The following SLC40A1 variants were observed in gnomAD, a reference collection of about 807,000 sequenced individuals.
SLC40A1 encodes the protein solute carrier family 40 member 1, also known as ferroportin.
A neutral mutation model predicts 53.5 loss-of-function variants in SLC40A1; 16 were observed. The ratio of observed to expected loss-of-function variants is 0.30; its 90% CI spans 0.20 to 0.45. SLC40A1 has a LOEUF of 0.45. Ranked by LOEUF, SLC40A1 falls within the 20% of genes least tolerant of loss-of-function variation. The pLI is 1.00. For missense variants in SLC40A1, 545 were observed against 695.4 expected, an observed-to-expected ratio of 0.78 and a Z score of 2.43; for synonymous variants, 247 against 253.2, an observed-to-expected ratio of 0.98 and a Z score of 0.23.
chr2:189,571,077 G>A (rs1318827530), intron 5 of SLC40A1, among the ~76,000 whole-genome samples: 1 of 152,152 alleles, frequency 6.6e-6, no homozygotes. Context: ...AATATTGACA[G>A]AATAGGACAT....
Position 189,578,002 on chromosome 2 carries a change from G to C in SLC40A1, c.111+1811C>G, listed in dbSNP as rs545274453. On this transcript the variant is annotated intron_variant, in intron 2 of 7. Coordinates refer to ENST00000261024, the MANE Select transcript of SLC40A1 (RefSeq NM_014585.6). Reference sequence around the variant, plus strand: ...GATAGAAATGAAGTCAGAAATAAAAGGCATTCAACCCCACACAAAACTAAC... The same window carrying C: ...GATAGAAATGAAGTCAGAAATAAAACGCATTCAACCCCACACAAAACTAAC... Among the ~76,000 whole-genome samples, 21 of 152,224 alleles carry C rather than the reference G, an allele frequency of 1.4e-4. 1 individual carries two copies. The highest frequency in any genetic ancestry group is 4.3e-4 in the African/African-American group (18 of 41,542).
intron 3 of SLC40A1, among the ~76,000 whole-genome samples, chr2:189,574,117 G>A (rs1387752370): frequency 1.3e-5 from 2 of 152,140 alleles, no homozygotes; most frequent in Non-Finnish European, 2.9e-5. Flanking sequence ...TGTATGAGTT[G>A]ATTATATAGG....
At position 189,560,953 on chromosome 2, in the gene SLC40A1, T is replaced by C. The variant is rs563974199; in HGVS notation, c.*925A>G. ...ACAGTAAAAATAAAAATATTCTACC[T>C]GAGTGTGTTAAATCAAGTGATTTGT... On this transcript the variant is annotated 3_prime_UTR_variant, in exon 8 of 8. Coordinates refer to ENST00000261024, the MANE Select transcript of SLC40A1 (RefSeq NM_014585.6). 2.6e-5 allele frequency: 4 copies of C among 152,342 alleles called. No homozygotes were observed. The highest frequency in any genetic ancestry group is 1.3e-4 in the Admixed American group (2 of 15,306). 9.4% of individuals were successfully genotyped at this position (152,342 alleles called of 1,614,324 possible).
intron 7 of SLC40A1, among the ~76,000 whole-genome samples, chr2:189,563,117 A>T (rs1026119695): frequency 6.6e-6 from 1 of 152,024 alleles, no homozygotes; most frequent in African/African-American, 2.4e-5. Flanking sequence ...TCTACAAAAC[A>T]TACAAAAATT....
chr2:189,572,778 G>T, intron 4 of SLC40A1, 68 bp downstream of exon 4: 2 of 1,142,102 alleles, frequency 1.8e-6, no homozygotes, highest in South Asian at 1.3e-5. Flanking sequence ...TAGCTTCAAA[G>T]CATTTTCATC....
chr2:189,568,147 A>C (rs1431901649), intron 5 of SLC40A1, among the ~76,000 whole-genome samples: 2 of 152,066 alleles, frequency 1.3e-5, no homozygotes, highest in African/African-American at 4.8e-5. Context: ...GTTGTATTAA[A>C]AAACAGCTTT....
intron 2 of SLC40A1, among the ~76,000 whole-genome samples, chr2:189,577,951 G>A (rs1282918212): frequency 6.6e-6 from 1 of 152,074 alleles, no homozygotes; most frequent in East Asian, 1.9e-4. Context: ...TGATAATATA[G>A]AGTAAAATGC....
At position 189,580,563 on chromosome 2, in the gene SLC40A1, C is replaced by CT; in HGVS notation, c.-104dup. The CT allele has an allele frequency of 6.3e-7, 1 of 1,599,032 alleles. No homozygotes were observed. Among genetic ancestry groups the CT allele is most frequent in the East Asian group, 2.2e-5 (1 of 44,672 alleles). ...GTGCAAGGAACTGGAGATAGCACCT[C>CT]TAAAAACACAACAGCCTTGGGCAAA... is the stretch of plus-strand genomic sequence containing the variant. On this transcript the variant is annotated 5_prime_UTR_variant, in exon 1 of 8. Coordinates refer to ENST00000261024, the MANE Select transcript of SLC40A1 (RefSeq NM_014585.6).
At chr2:189,572,535 A>G in intron 4 of SLC40A1, 1 of 414,774 alleles carries the variant, frequency 2.4e-6, no homozygotes, top group Non-Finnish European at 4.4e-6. Flanking sequence ...TATGGATAAC[A>G]TTTATTAAAT....
chr2:189,579,200 C>T (rs1446987297), intron 2 of SLC40A1, among the ~76,000 whole-genome samples: 1 of 152,180 alleles, frequency 6.6e-6, no homozygotes, highest in Non-Finnish European at 1.5e-5. Context: ...AAATCCATTG[C>T]TGATATTCAT....
chr2:189,575,923 C>T (rs1414293815), intron 2 of SLC40A1, among the ~76,000 whole-genome samples: 2 of 152,136 alleles, frequency 1.3e-5, no homozygotes, highest in African/African-American at 4.8e-5. Context: ...GTAGTAACAG[C>T]AAATTCTGGC....
chr2:189,578,419 C>A, intron 2 of SLC40A1: 1 of 977,492 alleles, frequency 1.0e-6, no homozygotes, highest in African/African-American at 1.8e-5. Flanking sequence ...GACAAAATAT[C>A]CTCCTGGAAC....
intron 3 of SLC40A1, among the ~76,000 whole-genome samples, chr2:189,573,236 T>A (rs564000615): frequency 1.3e-5 from 2 of 152,296 alleles, no homozygotes; most frequent in African/African-American, 4.8e-5. Flanking sequence ...TTTCATTTAG[T>A]TTATCTTCTT....
At chr2:189,577,897 C>T (rs1039031086) in intron 2 of SLC40A1, among the ~76,000 whole-genome samples, 1 of 152,022 alleles carries the variant, frequency 6.6e-6, no homozygotes, top group African/African-American at 2.4e-5. Context: ...AGGCATGAGC[C>T]ACTGCACCTA....
intron 2 of SLC40A1, among the ~76,000 whole-genome samples, chr2:189,576,943 C>G (rs763940420): frequency 4.6e-5 from 7 of 152,168 alleles, no homozygotes; most frequent in South Asian, 4.1e-4. Flanking sequence ...CATACCACCT[C>G]TTTGATGGAA....
rs1304603238 is a variant in SLC40A1 at position 189,576,685 on chromosome 2, T to C, written c.112-1365A>G. Among the ~76,000 whole-genome samples, 8 of 152,202 alleles carry C rather than the reference T, an allele frequency of 5.3e-5. No individual in the cohort carries two copies. The East Asian group carries it at 1.5e-3, about 29-fold the overall frequency. ...TAGGGAGAGGGGAGATACTTTATTC[T>C]AATCTCCATTCCTCTGAATAGCTCC... is the stretch of plus-strand genomic sequence containing the variant. On this transcript the variant is annotated intron_variant, in intron 2 of 7. Coordinates refer to ENST00000261024, the MANE Select transcript of SLC40A1 (RefSeq NM_014585.6).
intron 2 of SLC40A1, among the ~76,000 whole-genome samples, chr2:189,576,151 A>G (rs186499208): frequency 4.8e-3 from 731 of 152,304 alleles, no homozygotes; most frequent in Non-Finnish European, 7.1e-3. Flanking sequence ...AAAAATCTAC[A>G]GTGGACCTTA....
Position 189,579,830 on chromosome 2 carries a change from G to T in SLC40A1, c.94C>A (p.His32Asn). 1 of 1,614,080 alleles carries T rather than the reference G, an allele frequency of 6.2e-7. No homozygotes were observed. Among genetic ancestry groups the T allele is most frequent in the Non-Finnish European group, 8.5e-7 (1 of 1,179,962 alleles). ...TSAKFLLYLG[H>N]SLSTWGDRMW... Reference sequence around the variant, plus strand: ...TCACTTACCCAAGTAGAGAGAGAATGACCAAGGTAGAGAAGGAATTTTGCA... The same window carrying T: ...TCACTTACCCAAGTAGAGAGAGAATTACCAAGGTAGAGAAGGAATTTTGCA... The change falls in exon 2 of 8, where the codon CAT (histidine) becomes AAT (asparagine). Residue 32 changes from histidine (H) to asparagine (N), a missense_variant. By Grantham distance (68) the His-to-Asn change is moderately conservative (BLOSUM62 1). Around this residue, in one of 4 missense-constraint regions of SLC40A1, gnomAD observed 197 missense variants for 278.8 expected, o/e 0.71. Coordinates refer to ENST00000261024, the MANE Select transcript of SLC40A1 (RefSeq NM_014585.6).
chr2:189,580,643 T>C lies in SLC40A1; in HGVS notation c.-183A>G. ...CAAAAGAAAAGGGGCCCAGGGATTT[T>C]CTTTTTTCCTTCTTTCCAAACTTAG... On this transcript the variant is annotated 5_prime_UTR_variant, in exon 1 of 8. Coordinates refer to ENST00000261024, the MANE Select transcript of SLC40A1 (RefSeq NM_014585.6). 2 of 1,523,802 alleles carry C rather than the reference T, an allele frequency of 1.3e-6. No homozygotes were observed. The highest frequency in any genetic ancestry group is 1.8e-6 in the Non-Finnish European group (2 of 1,141,226). 94.4% of individuals were successfully genotyped at this position (1,523,802 alleles called of 1,614,324 possible).
Sources: allele counts gnomAD v4.1 joint callset (sites outside exome capture counted in the v4.1 genomes callset), GRCh38; gene constraint gnomAD v4.1.1; regional missense constraint gnomAD v4.1.1; transcripts MANE v1.5; gene names NCBI Gene and HGNC (gene_info 2026-07-23, HGNC 2026-07-21).